Variants in ARHGAP39 observed in about 807,000 individuals in gnomAD.
ARHGAP39 encodes Rho GTPase activating protein 39.
ARHGAP39 carries 44 observed loss-of-function variants against 106.9 expected under a neutral mutation model. That is an observed-to-expected ratio of 0.41 (90% CI 0.32 to 0.53). The LOEUF (loss-of-function observed/expected upper bound fraction) is 0.53. Ranked by LOEUF, ARHGAP39 falls within the 20% of genes least tolerant of loss-of-function variation. The pLI is 0.21. For missense variants in ARHGAP39, 1,496 were observed against 1,577.3 expected (o/e 0.95, Z 0.87); for synonymous variants, 768 against 693.2 (o/e 1.11, Z -1.69).
chr8:144,557,451 A>C (rs1221661217), intron 3 of ARHGAP39, among the ~76,000 whole-genome samples: 1 of 148,072 alleles, frequency 6.8e-6, no homozygotes, highest in South Asian at 2.2e-4. Context: ...TAGTATTCAG[A>C]GGCAAAGGCT....
rs143123752 is a variant in ARHGAP39 at position 144,662,341 on chromosome 8, G to A, written c.-82+23345C>T. 1.4e-3 allele frequency among the ~76,000 whole-genome samples: 187 copies of A among 133,952 alleles called. 3 individuals carry two copies. The highest frequency in any genetic ancestry group is 9.3e-4 in the Admixed American group (12 of 12,952). 87.9% of individuals were successfully genotyped at this position (133,952 alleles called of 152,430 possible). On this transcript the variant is annotated intron_variant, in intron 1 of 11. Coordinates refer to ENST00000377307, the MANE Select transcript of ARHGAP39 (RefSeq NM_025251.3). The stretch of plus-strand genomic sequence containing the variant: ...CCCTCCCTACTATCCGCCTTAGAGC[G>A]ATTCCCCTCTCCCCGTTATCCACCT...
Position 144,533,218 on chromosome 8 carries a change from C to A in ARHGAP39, c.2796G>T (p.Glu932Asp), listed in dbSNP as rs1816802151. 6.2e-7 allele frequency: 1 copy of A among 1,613,000 alleles called. No homozygotes were observed. Among genetic ancestry groups the A allele is most frequent in the Non-Finnish European group, 8.5e-7 (1 of 1,179,988 alleles). Residue 932 changes from glutamate (E) to aspartate (D), a missense_variant, in exon 9 of 12, where the codon GAG becomes GAT. By Grantham distance (45) the Glu-to-Asp change is conservative (BLOSUM62 2). Coordinates refer to ENST00000377307, the MANE Select transcript of ARHGAP39 (RefSeq NM_025251.3). ...ALQEVMGMQR[E>D]RYPERQLPWV... Reference sequence around the variant, plus strand: ...AGGGCAGCTGGCGCTCGGGGTAGCGCTCTCTCTGCATGCCCATGACCTCCT... The same window carrying A: ...AGGGCAGCTGGCGCTCGGGGTAGCGATCTCTCTGCATGCCCATGACCTCCT...
In ARHGAP39 at chr8:144,534,222, G is replaced by A. The variant is rs1424552965; in HGVS notation, c.2615-20C>T. The A allele has an allele frequency of 1.2e-6, 2 of 1,613,022 alleles. No homozygotes were observed. Among genetic ancestry groups the A allele is most frequent in the African/African-American group, 2.7e-5 (2 of 75,018 alleles). On this transcript the variant is annotated intron_variant, in intron 7 of 11. Coordinates refer to ENST00000377307, the MANE Select transcript of ARHGAP39 (RefSeq NM_025251.3). ...CCACCCCTGGAAAGGAAAGGGGCCTGATCAGCCTGATGTGGGTGTGTGGGT... is the reference window on the plus strand; with the variant it reads ...CCACCCCTGGAAAGGAAAGGGGCCTAATCAGCCTGATGTGGGTGTGTGGGT...
intron 3 of ARHGAP39, among the ~76,000 whole-genome samples, chr8:144,559,909 C>T (rs976340953): frequency 6.6e-6 from 1 of 152,220 alleles, no homozygotes; most frequent in Non-Finnish European, 1.5e-5. Context: ...AACCTATCAC[C>T]TGAGGTCAGA....
At chr8:144,672,573 C>T (rs185744817) in intron 1 of ARHGAP39, among the ~76,000 whole-genome samples, 215 of 152,356 alleles carry the variant, frequency 1.4e-3, no homozygotes, top group Non-Finnish European at 2.4e-3. Context: ...GGGGAGACAG[C>T]AGTGCTCCCA....
chr8:144,685,454 C>G (rs1235287213), intron 1 of ARHGAP39, among the ~76,000 whole-genome samples: 4 of 149,860 alleles, frequency 2.7e-5, no homozygotes, highest in Non-Finnish European at 6.0e-5. Context: ...GGCCTCGGCC[C>G]CTCGAGCCTC....
chr8:144,601,670 G>A (rs549848385), intron 2 of ARHGAP39, among the ~76,000 whole-genome samples: 6 of 144,456 alleles, frequency 4.2e-5, no homozygotes, highest in East Asian at 2.1e-4. Flanking sequence ...GGATGCGTGC[G>A]TGCGAGCTCA....
rs548905999 is a variant in ARHGAP39 at position 144,602,475 on chromosome 8, G to A, written c.80+3060C>T. Among the ~76,000 whole-genome samples the A allele has an allele frequency of 3.7e-3, 536 of 144,728 alleles. 7 individuals carry two copies. The highest frequency in any genetic ancestry group is 0.013 in the African/African-American group (484 of 38,462). The allele number at this position is 144,728 out of a possible 152,430, so 94.9% of individuals were successfully genotyped here. A position where few individuals can be genotyped will look rare whatever the true frequency, so the allele number is the denominator to read the frequency against. ...CGAGCTCGTGTACCTGTGCATGTGC[G>A]TGGTGTGTGCGCGAGCTCATGTATC... On this transcript the variant is annotated intron_variant, in intron 2 of 11. Transcript: ENST00000377307.
In ARHGAP39 at chr8:144,641,923, C is replaced by G. The variant is rs759061743; in HGVS notation, c.-81-36228G>C. On this transcript the variant is annotated intron_variant, in intron 1 of 11. Transcript: ENST00000377307. This position sits in a 1 kb window ranked among gnomAD's most constrained non-coding sequence, Gnocchi z 5.2. ...CCTCATCCTTGGCCCCTCGGCATAC[C>G]CACCTGCAAATCCAAACCTGGAGAG... Among the ~76,000 whole-genome samples, 4 of 152,244 alleles carry G rather than the reference C, an allele frequency of 2.6e-5. No individual in the cohort carries two copies. The highest frequency in any genetic ancestry group is 5.9e-5 in the Non-Finnish European group (4 of 68,046).
Position 144,530,357 on chromosome 8 carries a change from A to T in ARHGAP39, c.*65T>A. On this transcript the variant is annotated 3_prime_UTR_variant, in exon 12 of 12. Transcript: ENST00000377307. Reference sequence around the variant, plus strand: ...GCGATTCTGGCCCCTCTGCCGGGAGAGCGAGTGCGGAGTTCGGCCTGGCTG... The same window carrying T: ...GCGATTCTGGCCCCTCTGCCGGGAGTGCGAGTGCGGAGTTCGGCCTGGCTG... 1 of 1,492,504 alleles carries T rather than the reference A, an allele frequency of 6.7e-7. No homozygotes were observed. Among genetic ancestry groups the T allele is most frequent in the East Asian group, 2.5e-5 (1 of 40,326 alleles). The allele number at this position is 1,492,504 out of a possible 1,614,324, so 92.5% of individuals were successfully genotyped here. A position where few individuals can be genotyped will look rare whatever the true frequency, so the allele number is the denominator to read the frequency against.
chr8:144,657,269 G>T (rs1320340314), intron 1 of ARHGAP39, among the ~76,000 whole-genome samples: 2 of 151,654 alleles, frequency 1.3e-5, no homozygotes, highest in African/African-American at 2.4e-5. Context: ...AAAAGGAAAT[G>T]AAAAAGAAAA....
At chr8:144,549,106 C>T (rs536082017) in intron 4 of ARHGAP39, among the ~76,000 whole-genome samples, 1 of 152,400 alleles carries the variant, frequency 6.6e-6, no homozygotes, top group South Asian at 2.1e-4. Context: ...GCGTCCTCAC[C>T]AGTCCTCCCA....
intron 2 of ARHGAP39, among the ~76,000 whole-genome samples, chr8:144,583,799 GA>G (rs1000716746): frequency 2.0e-5 from 3 of 151,906 alleles, no homozygotes; most frequent in Non-Finnish European, 2.9e-5. Flanking sequence ...ACTGTCATTG[GA>G]AAAAAAACCC....
At chr8:144,594,512 T>C (rs374349429) in intron 2 of ARHGAP39, among the ~76,000 whole-genome samples, 1 of 151,930 alleles carries the variant, frequency 6.6e-6, no homozygotes, top group Non-Finnish European at 1.5e-5. Flanking sequence ...CTCACCAACA[T>C]GGTGAAACCC....
intron 1 of ARHGAP39, among the ~76,000 whole-genome samples, chr8:144,678,868 G>C (rs1035971349): frequency 4.6e-5 from 7 of 152,142 alleles, no homozygotes; most frequent in Non-Finnish European, 1.0e-4. Flanking sequence ...AGAGACAGGG[G>C]AGTGGCTCAA....
chr8:144,614,848 A>G (rs1352405045), intron 1 of ARHGAP39, among the ~76,000 whole-genome samples: 1 of 152,080 alleles, frequency 6.6e-6, no homozygotes, highest in African/African-American at 2.4e-5. Context: ...CACTCTTCTT[A>G]GTGTTTTGAG....
intron 3 of ARHGAP39, among the ~76,000 whole-genome samples, chr8:144,579,868 C>T (rs1818905767): frequency 6.6e-6 from 1 of 152,142 alleles, no homozygotes. Flanking sequence ...TCCCTGGGGT[C>T]CAGCCTCTCC....
At chr8:144,692,523 C>T in the ARHGAP39 span, among the ~76,000 whole-genome samples, 1 of 152,138 alleles carries the variant, frequency 6.6e-6, no homozygotes. Flanking sequence ...AAAGACATTC[C>T]CAGTTGCTGC....
chr8:144,549,291 G>A (rs1020483936), intron 4 of ARHGAP39, among the ~76,000 whole-genome samples: 1 of 152,278 alleles, frequency 6.6e-6, no homozygotes, highest in African/African-American at 2.4e-5. Flanking sequence ...CTGGACCCAG[G>A]ACGCTGCCAG....
Sources: allele counts gnomAD v4.1 joint callset (sites outside exome capture counted in the v4.1 genomes callset), GRCh38; gene constraint gnomAD v4.1.1; non-coding constraint Gnocchi (gnomAD v3.1); transcripts MANE v1.5; gene names NCBI Gene and HGNC (gene_info 2026-07-23, HGNC 2026-07-21).